PANK2: variants seen among roughly 807,000 people sequenced by gnomAD.
PANK2 encodes pantothenate kinase 2, mitochondrial.
PANK2 carries 36 observed loss-of-function variants against 43.1 expected under a neutral mutation model. The observed-to-expected ratio is 0.84, with a 90% CI of 0.64 to 1.10. PANK2 has a LOEUF of 1.10. Ranked by LOEUF, PANK2 falls within the 50% of genes least tolerant of loss-of-function variation. The probability of loss-of-function intolerance (pLI) is 0.00; values close to 1 mark genes in which losing one functional copy is unlikely to be tolerated. For synonymous variants in PANK2, 281 were observed against 238.2 expected (o/e 1.18, Z -1.66); for missense variants, 576 against 593.3 (o/e 0.97, Z 0.30).
At chr20:3,910,867 A>G (rs1568573425) in intron 3 of PANK2, 37 bp downstream of exon 3, 1 of 1,612,766 alleles carries the variant, frequency 6.2e-7, no homozygotes, top group East Asian at 2.2e-5. Context: ...TATTCTTAGT[A>G]TCCTAACGGG....
chr20:3,911,476 C>T (rs560775844), intron 3 of PANK2, among the ~76,000 whole-genome samples: 52 of 149,304 alleles, frequency 3.5e-4, no homozygotes, highest in African/African-American at 1.1e-3. Context: ...CCCAGCTACT[C>T]GGGAGGCTGA....
At chr20:3,918,635 A>G (rs759849596) in intron 5 of PANK2, 36 bp from the exon 6 acceptor site, 12 of 1,613,798 alleles carry the variant, frequency 7.4e-6, no homozygotes, top group Non-Finnish European at 1.0e-5. Flanking sequence ...ATAGAAATTA[A>G]GATGAAAACT....
chr20:3,909,236 A>G (rs562735485), intron 2 of PANK2, among the ~76,000 whole-genome samples: 1 of 151,992 alleles, frequency 6.6e-6, no homozygotes, highest in Admixed American at 6.6e-5. Context: ...ATGTGCCACC[A>G]CGCCCGGCTA....
intron 2 of PANK2, chr20:3,908,556 C>G (rs1303707537): frequency 1.2e-5 from 5 of 430,994 alleles, no homozygotes; most frequent in Non-Finnish European, 2.1e-5. Context: ...AAGAAACTAC[C>G]TAAAAGGAAC....
At chr20:3,914,931 A>G (rs1242125732) in intron 4 of PANK2, among the ~76,000 whole-genome samples, 1 of 152,172 alleles carries the variant, frequency 6.6e-6, no homozygotes, top group Non-Finnish European at 1.5e-5. Context: ...TCATGTGTTT[A>G]CTGGCCATCT....
At chr20:3,910,949 A>G in intron 3 of PANK2, 119 bp downstream of exon 3, 1 of 1,267,882 alleles carries the variant, frequency 7.9e-7, no homozygotes, top group Non-Finnish European at 1.1e-6. Context: ...TGGATTATGC[A>G]AACAAATGTT....
upstream of PANK2, chr20:3,888,957 G>GGT: frequency 5.5e-5 from 32 of 581,882 alleles, no homozygotes; most frequent in South Asian, 2.4e-4. Flanking sequence ...GCCAGACGCT[G>GGT]CGGGAGCACT....
rs528149001 is a variant in PANK2 at position 3,889,480 on chromosome 20, G to T, written c.50G>T (p.Gly17Val). Reference sequence around the variant, plus strand: ...CGACTGCTGCTGCGGATGGGAGGGGGCCGGCTCGGCGCGCCCATGGAGCGC... The same window carrying T: ...CGACTGCTGCTGCGGATGGGAGGGGTCCGGCTCGGCGCGCCCATGGAGCGC... Residue 17 changes from glycine to valine, a missense_variant, in exon 1 of 7, where the codon GGC (glycine) becomes GTC (valine). Gly to Val is a moderately radical substitution (Grantham distance 109, BLOSUM62 -3). Coordinates refer to ENST00000610179, the MANE Select transcript of PANK2 (RefSeq NM_001386393.1). 8.1e-4 allele frequency: 1,208 copies of T among 1,493,912 alleles called. 13 individuals carry two copies. In the South Asian group the frequency reaches 8.4e-3, roughly 10 times the overall value. 92.5% of individuals were successfully genotyped at this position (1,493,912 alleles called of 1,614,324 possible).
intron 1 of PANK2, among the ~76,000 whole-genome samples, chr20:3,905,406 A>G (rs999071282): frequency 6.9e-6 from 1 of 144,084 alleles, no homozygotes; most frequent in African/African-American, 2.6e-5. Context: ...GCTGGAGTGC[A>G]GTGGCATGAT....
rs2090071864 is a variant in PANK2, at chr20:3,889,400, TGCC to T, written c.-28_-26del. 8 of 1,573,260 alleles carry T rather than the reference TGCC, an allele frequency of 5.1e-6. No homozygotes were observed. The highest frequency in any genetic ancestry group is 6.9e-6 in the Non-Finnish European group (8 of 1,161,850). On this transcript the variant is annotated 5_prime_UTR_variant, in exon 1 of 7. Coordinates refer to ENST00000610179, the MANE Select transcript of PANK2 (RefSeq NM_001386393.1). Reference sequence around the variant, plus strand: ...GGGCGCGCCTCTGCTCTGGCTGGACTGCCGCGGAGGAGGCGAGAAGGAATCCGA... The same window carrying T: ...GGGCGCGCCTCTGCTCTGGCTGGACTGCGGAGGAGGCGAGAAGGAATCCGA...
At chr20:3,918,159 T>C (rs576867193) in intron 5 of PANK2, among the ~76,000 whole-genome samples, 1 of 152,342 alleles carries the variant, frequency 6.6e-6, no homozygotes, top group East Asian at 1.9e-4. Context: ...ATTTAGATCA[T>C]CTTTAGCGGT....
chr20:3,889,054 C>T (rs1568548646), upstream of PANK2: 4 of 1,450,128 alleles, frequency 2.8e-6, no homozygotes, highest in East Asian at 5.0e-5. Flanking sequence ...TTCCGCGGCC[C>T]GGGGGGGCAG....
At chr20:3,895,408 G>A (rs1395711600) in intron 1 of PANK2, among the ~76,000 whole-genome samples, 2 of 151,688 alleles carry the variant, frequency 1.3e-5, no homozygotes, top group African/African-American at 2.4e-5. Context: ...GCTTGAGCCC[G>A]GAAGATTGAG....
chr20:3,902,691 G>A (rs1314128211), intron 1 of PANK2, among the ~76,000 whole-genome samples: 1 of 151,604 alleles, frequency 6.6e-6, no homozygotes, highest in African/African-American at 2.4e-5. Flanking sequence ...AAAATGCTAG[G>A]ATTACAGGTG....
chr20:3,893,931 GTT>G (rs374582085), intron 1 of PANK2, among the ~76,000 whole-genome samples: 2,420 of 73,166 alleles, frequency 0.033, 61 homozygotes, highest in African/African-American at 0.074. Flanking sequence ...TTTGTTTTTT[GTT>G]TTTTTTTTTT....
At chr20:3,903,443 C>T (rs941514117) in intron 1 of PANK2, among the ~76,000 whole-genome samples, 9 of 149,614 alleles carry the variant, frequency 6.0e-5, no homozygotes, top group East Asian at 2.0e-4. Flanking sequence ...CCACGACGCC[C>T]GGCTTTTTTT....
At chr20:3,903,122 A>T (rs2090330312) in intron 1 of PANK2, among the ~76,000 whole-genome samples, 1 of 149,216 alleles carries the variant, frequency 6.7e-6, no homozygotes, top group South Asian at 2.1e-4. Flanking sequence ...TTCAGATGTA[A>T]AAATGATTAG....
rs71647830 is a variant in PANK2 at position 3,889,969 on chromosome 20, C to A, written c.298+241C>A. 1.7e-3 allele frequency: 2,606 copies of A among 1,493,922 alleles called. 55 individuals carry two copies. In the African/African-American group the frequency reaches 0.033, roughly 19 times the overall value. 92.5% of individuals were successfully genotyped at this position (1,493,922 alleles called of 1,614,324 possible). On this transcript the variant is annotated intron_variant, in intron 1 of 6. Transcript: ENST00000610179. The stretch of plus-strand genomic sequence containing the variant: ...CCGCTTGTTGGAGTGGAGGGCTTTT[C>A]CCCAGGACCTGTCCTCCCTTTTCTT...
At chr20:3,889,062 C>A (rs1232936402), upstream of PANK2, 1 of 1,480,066 alleles carries the variant, frequency 6.8e-7, no homozygotes, top group South Asian at 1.3e-5. Context: ...CCCGGGGGGG[C>A]AGAGGCATGC....
Sources: allele counts gnomAD v4.1 joint callset (sites outside exome capture counted in the v4.1 genomes callset), GRCh38; gene constraint gnomAD v4.1.1; transcripts MANE v1.5; gene names NCBI Gene and HGNC (gene_info 2026-07-23, HGNC 2026-07-21).